Variants in ZFC3H1 observed in about 807,000 individuals in gnomAD.
The protein encoded by ZFC3H1 is zinc finger C3H1-type containing, also known as zinc finger C3H1 domain-containing protein.
ZFC3H1 carries 71 observed loss-of-function variants against 243.7 expected under a neutral mutation model. The ratio of observed to expected loss-of-function variants is 0.29; its 90% CI spans 0.24 to 0.36. The LOEUF (loss-of-function observed/expected upper bound fraction) is 0.36. Ranked by LOEUF, ZFC3H1 falls within the 10% of genes least tolerant of loss-of-function variation. The pLI is 1.00. For synonymous variants in ZFC3H1, 838 were observed against 813.0 expected, an observed-to-expected ratio of 1.03 and a Z score of -0.52; for missense variants, 1,966 against 2,317.1, an observed-to-expected ratio of 0.85 and a Z score of 3.11.
At chr12:71,625,876 T>C (rs1880151930) in intron 22 of ZFC3H1, among the ~76,000 whole-genome samples, 1 of 152,212 alleles carries the variant, frequency 6.6e-6, no homozygotes, top group Non-Finnish European at 1.5e-5. Flanking sequence ...GTCATTATAA[T>C]TTTATAGAGG....
intron 11 of ZFC3H1, 143 bp from the exon 12 acceptor site, chr12:71,634,447 A>T: frequency 8.9e-7 from 1 of 1,118,866 alleles, no homozygotes; most frequent in Non-Finnish European, 1.2e-6. Context: ...GACCCAAGTC[A>T]GCATTCAAAG....
intron 2 of ZFC3H1, among the ~76,000 whole-genome samples, chr12:71,648,900 G>A (rs946599530): frequency 6.6e-6 from 1 of 151,898 alleles, no homozygotes; most frequent in Non-Finnish European, 1.5e-5. Context: ...GACCAGCCTG[G>A]GCAACATGGC....
chr12:71,661,786 A>C (rs1467699278), intron 1 of ZFC3H1, among the ~76,000 whole-genome samples: 1 of 152,162 alleles, frequency 6.6e-6, no homozygotes, highest in East Asian at 1.9e-4. Flanking sequence ...TGGCGCCTAC[A>C]TGATTTTCTC....
chr12:71,636,875 G>A lies in ZFC3H1; in HGVS notation c.1910C>T (p.Ala637Val). ...LLREELLKSL[A>V]NKRAFKPEET... ...CTCTGGCTTAAAAGCTCTTTTATTT[G>A]CTAGAGATTTAAGTAGTTCTTCTCG... Residue 637 changes from alanine to valine, a missense_variant, in exon 8 of 35, where the codon GCA (alanine) becomes GTA (valine). Coordinates refer to ENST00000378743, the MANE Select transcript of ZFC3H1 (RefSeq NM_144982.5). 6.2e-7 allele frequency: 1 copy of A among 1,613,858 alleles called. No homozygotes were observed. The highest frequency in any genetic ancestry group is 8.5e-7 in the Non-Finnish European group (1 of 1,179,922).
intron 31 of ZFC3H1, among the ~76,000 whole-genome samples, chr12:71,612,461 CG>C (rs1462753695): frequency 6.6e-6 from 1 of 152,124 alleles, no homozygotes; most frequent in Non-Finnish European, 1.5e-5. Flanking sequence ...TTCTATTTCA[CG>C]TTTTATCAAA....
intron 30 of ZFC3H1, among the ~76,000 whole-genome samples, chr12:71,613,977 T>C (rs1397513366): frequency 6.6e-6 from 1 of 152,094 alleles, no homozygotes; most frequent in African/African-American, 2.4e-5. Context: ...ATAAAAGTGG[T>C]GTCTGAAAAA....
At chr12:71,636,726 AG>A in intron 8 of ZFC3H1, 72 bp from the exon 9 acceptor site, 1 of 1,558,192 alleles carries the variant, frequency 6.4e-7, no homozygotes, top group Non-Finnish European at 8.6e-7. Flanking sequence ...AAAAATCTTG[AG>A]CATGTTAGAA....
Position 71,628,947 on chromosome 12 carries a change from T to C in ZFC3H1, c.3917A>G (p.Glu1306Gly). Reference protein sequence around the residue: ...PISDNSFSSDEEQSTGPIKYA... With the variant: ...PISDNSFSSDGEQSTGPIKYA... The stretch of plus-strand genomic sequence containing the variant: ...CTTAATTGGTCCTGTAGACTGTTCC[T>C]CATCACTACTGAAGCTATTATCTGA... The change falls in exon 20 of 35, where the codon GAG (glutamate) becomes GGG (glycine). Residue 1306 changes from glutamate to glycine, a missense_variant. Transcript: ENST00000378743. 1 of 1,611,706 alleles carries C rather than the reference T, an allele frequency of 6.2e-7. No individual in the cohort carries two copies. Among genetic ancestry groups the C allele is most frequent in the South Asian group, 1.1e-5 (1 of 90,446 alleles).
At chr12:71,662,989 C>A (rs768691041) in intron 1 of ZFC3H1, 24 bp downstream of exon 1, 78 of 1,565,670 alleles carry the variant, frequency 5.0e-5, no homozygotes, top group Non-Finnish European at 6.3e-5. Context: ...ACACACCCAG[C>A]GCCGACCGCC....
intron 3 of ZFC3H1, among the ~76,000 whole-genome samples, chr12:71,647,212 T>C (rs1045636307): frequency 1.3e-5 from 2 of 152,250 alleles, no homozygotes; most frequent in African/African-American, 2.4e-5. Context: ...GCTTGGGTTA[T>C]TGAGTGCCTG....
At chr12:71,620,180 A>G in intron 25 of ZFC3H1, 30 bp downstream of exon 25, 2 of 1,613,130 alleles carry the variant, frequency 1.2e-6, no homozygotes, top group Non-Finnish European at 1.7e-6. Context: ...TTTTTAATAT[A>G]AGGTTAGCTG....
intron 9 of ZFC3H1, among the ~76,000 whole-genome samples, chr12:71,636,213 A>G (rs1307752061): frequency 6.6e-6 from 1 of 152,170 alleles, no homozygotes; most frequent in Non-Finnish European, 1.5e-5. Flanking sequence ...ATTTCTATAG[A>G]AAAAAAGCTG....
chr12:71,634,862 T>C (rs1236654972), intron 10 of ZFC3H1, 37 bp from the exon 11 acceptor site: 1 of 1,565,334 alleles, frequency 6.4e-7, no homozygotes, highest in Admixed American at 2.1e-5. Context: ...AACTAGATCA[T>C]CAGCTTTCCA....
rs553347610 is a variant in ZFC3H1, at chr12:71,623,598, C to T, written c.4507-1G>A. 6.3e-7 allele frequency: 1 copy of T among 1,580,006 alleles called. No homozygotes were observed. The highest frequency in any genetic ancestry group is 8.6e-7 in the Non-Finnish European group (1 of 1,168,658). The stretch of plus-strand genomic sequence containing the variant: ...CATCATTAGCAGATTTCAATGCATT[C>T]TAGGCAAAATTTAAAATTTTTTGAT... On this transcript the variant is annotated splice_acceptor_variant, in intron 23 of 34. Transcript: ENST00000378743. LOFTEE classifies it high-confidence loss of function.
chr12:71,627,665 C>T, intron 21 of ZFC3H1, 86 bp downstream of exon 21: 2 of 1,308,962 alleles, frequency 1.5e-6, no homozygotes, highest in Non-Finnish European at 1.1e-6. Flanking sequence ...AGGAAAGAAA[C>T]CTGACTGATT....
chr12:71,619,206 G>A, intron 27 of ZFC3H1, 109 bp downstream of exon 27: 1 of 863,956 alleles, frequency 1.2e-6, no homozygotes, highest in South Asian at 2.0e-5. Context: ...GGGTATTCAA[G>A]TACTAAAAAG....
Position 71,619,495 on chromosome 12 carries a change from A to G in ZFC3H1, c.5050-86T>C. On this transcript the variant is annotated intron_variant, in intron 26 of 34. Transcript: ENST00000378743. ...CGAGGGAGAAAAAAAGCCTTAAAAA[A>G]GTACTCATTAGATTAAGTTTCTTGA... 8 of 1,266,050 alleles carry G rather than the reference A, an allele frequency of 6.3e-6. No homozygotes were observed. In the South Asian group the frequency reaches 7.0e-5, roughly 11 times the overall value. 78.4% of individuals were successfully genotyped at this position (1,266,050 alleles called of 1,614,324 possible). A position where few individuals can be genotyped will look rare whatever the true frequency, so the allele number is the denominator to read the frequency against.
chr12:71,636,782 G>GA (rs1044116598), intron 8 of ZFC3H1, 68 bp downstream of exon 8: 31 of 1,575,534 alleles, frequency 2.0e-5, no homozygotes, highest in South Asian at 2.3e-5. Context: ...CAAGTAACCA[G>GA]AAAAAAGTAG....
intron 32 of ZFC3H1, 166 bp from the exon 33 acceptor site, chr12:71,611,263 G>C (rs1158211255): frequency 9.2e-6 from 5 of 544,826 alleles, no homozygotes; most frequent in African/African-American, 2.0e-5. Context: ...AAAACCTATA[G>C]TGAAAAGAAA....
Sources: gnomAD v4.1 joint callset for allele counts (sites outside exome capture counted in the v4.1 genomes callset) on GRCh38, gnomAD v4.1.1 for gene constraint, MANE v1.5 for transcripts, NCBI Gene and HGNC (gene_info 2026-07-23, HGNC 2026-07-21) for gene names.